GCLC: variants seen among roughly 807,000 people sequenced by gnomAD.
GCLC encodes glutamate-cysteine ligase catalytic subunit.
A neutral mutation model predicts 81.5 loss-of-function variants in GCLC; 30 were observed. The observed-to-expected ratio is 0.37, with a 90% CI of 0.28 to 0.50. GCLC has a LOEUF of 0.50. GCLC is among the 20% of genes least tolerant of loss of function. The probability of loss-of-function intolerance (pLI) is 0.96; values close to 1 mark genes in which losing one functional copy is unlikely to be tolerated. For synonymous variants in GCLC, 262 were observed against 273.3 expected, an observed-to-expected ratio of 0.96 and a Z score of 0.41; for missense variants, 556 against 777.4, an observed-to-expected ratio of 0.72 and a Z score of 3.39.
intron 12 of GCLC, among the ~76,000 whole-genome samples, chr6:53,504,144 C>T (rs1764566943): frequency 6.6e-6 from 1 of 152,128 alleles, no homozygotes; most frequent in Non-Finnish European, 1.5e-5. Flanking sequence ...CGAGACCAGC[C>T]TGAGCAACAT....
At chr6:53,516,982 A>T (rs1250973462) in intron 3 of GCLC, among the ~76,000 whole-genome samples, 1 of 152,240 alleles carries the variant, frequency 6.6e-6, no homozygotes, top group African/African-American at 2.4e-5. Context: ...AGGGAGGACA[A>T]AGACTAAGCG....
chr6:53,520,936 C>T lies in GCLC; in HGVS notation c.288G>A (p.Glu96=). The change falls in exon 3 of 16, where the codon GAG becomes GAA. Residue 96 remains glutamate (E), a synonymous_variant. Coordinates refer to ENST00000650454, the MANE Select transcript of GCLC (RefSeq NM_001498.4). The part of the protein sequence containing the change: ...NPNHPTLWRP[E]YGSYMIEGTP... Reference sequence around the variant, plus strand: ...TCCCTTCAATCATGTAACTCCCATACTCTGGTCTCCAAAGGGTAGGATGGC... The same window carrying T: ...TCCCTTCAATCATGTAACTCCCATATTCTGGTCTCCAAAGGGTAGGATGGC... 6.2e-7 allele frequency: 1 copy of T among 1,613,792 alleles called. No individual in the cohort carries two copies.
Position 53,529,273 on chromosome 6 carries a change from T to C in GCLC, c.151-6746A>G, listed in dbSNP as rs532120101. The stretch of plus-strand genomic sequence containing the variant: ...CCTTGAATGTAGACCTGCTCTTTCA[T>C]GCTCCACGGATGCATGAGACATTTT... On this transcript the variant is annotated intron_variant, in intron 1 of 15. Transcript: ENST00000650454. Among the ~76,000 whole-genome samples, 27 of 152,338 alleles carry C rather than the reference T, an allele frequency of 1.8e-4. No individual in the cohort carries two copies. In the South Asian group the frequency reaches 3.5e-3, roughly 20 times the overall value.
intron 6 of GCLC, among the ~76,000 whole-genome samples, chr6:53,511,201 T>G (rs200399418): frequency 0.019 from 2,069 of 107,692 alleles, no homozygotes; most frequent in Non-Finnish European, 0.033. Context: ...AAAAAAAAAG[T>G]GGGGGGGGGG....
intron 1 of GCLC, among the ~76,000 whole-genome samples, chr6:53,524,914 A>G (rs76723136): frequency 0.023 from 3,432 of 152,332 alleles, 121 homozygotes; most frequent in African/African-American, 0.078. Flanking sequence ...AAGAACAAAA[A>G]GTTAAAGCTC....
chr6:53,533,834 G>A (rs1178602961), intron 1 of GCLC, among the ~76,000 whole-genome samples: 1 of 146,224 alleles, frequency 6.8e-6, no homozygotes, highest in Non-Finnish European at 1.5e-5. Context: ...CACTCTTGTC[G>A]CCCAGGCTGG....
In GCLC at chr6:53,509,206, A is replaced by G. The variant is rs569753611; in HGVS notation, c.798T>C (p.Tyr266=). The change falls in exon 7 of 16, where the codon TAT becomes TAC. Residue 266 remains tyrosine, a synonymous_variant. Transcript: ENST00000650454. ...TTGGACAGATAGTAGCCAACTGATC[A>G]TAAAGGTATCTGGCCTCAGATATAC... The part of the protein sequence containing the change: ...ACSISEARYL[Y]DQLATICPIV... 1 of 1,606,836 alleles carries G rather than the reference A, an allele frequency of 6.2e-7. No individual in the cohort carries two copies. Among genetic ancestry groups the G allele is most frequent in the South Asian group, 1.1e-5 (1 of 90,962 alleles).
rs17883272 is a variant in GCLC, at chr6:53,513,876, C to T, written c.753+328G>A. 8.2e-3 allele frequency: 2,465 copies of T among 302,224 alleles called. 39 individuals carry two copies. The highest frequency in any genetic ancestry group is 0.048 in the African/African-American group (2,208 of 46,066). 18.7% of individuals were successfully genotyped at this position (302,224 alleles called of 1,614,324 possible). On this transcript the variant is annotated intron_variant, in intron 6 of 15. Coordinates refer to ENST00000650454, the MANE Select transcript of GCLC (RefSeq NM_001498.4). Reference sequence around the variant, plus strand: ...TTTAAACCACCTCACTAGCCTGTCACGAGATGGCAGTAAAAACTAGGCATA... The same window carrying T: ...TTTAAACCACCTCACTAGCCTGTCATGAGATGGCAGTAAAAACTAGGCATA...
intron 6 of GCLC, among the ~76,000 whole-genome samples, chr6:53,511,768 A>G (rs1313560760): frequency 6.8e-6 from 1 of 147,790 alleles, no homozygotes; most frequent in African/African-American, 2.5e-5. Flanking sequence ...TGAAGGAGAC[A>G]CACAATGTTG....
Position 53,542,261 on chromosome 6 carries a change from T to G in GCLC, c.150+2235A>C, listed in dbSNP as rs1259821456. Among the ~76,000 whole-genome samples, 4 of 152,174 alleles carry G rather than the reference T, an allele frequency of 2.6e-5. No individual in the cohort carries two copies. The East Asian group carries it at 7.7e-4, about 29-fold the overall frequency. Reference sequence around the variant, plus strand: ...CTGAAATGCTGGGTCCAATTTTCTCTCCTTTATAGATGCATAATACAAGTT... The same window carrying G: ...CTGAAATGCTGGGTCCAATTTTCTCGCCTTTATAGATGCATAATACAAGTT... On this transcript the variant is annotated intron_variant, in intron 1 of 15. Coordinates refer to ENST00000650454, the MANE Select transcript of GCLC (RefSeq NM_001498.4).
Position 53,506,715 on chromosome 6 carries a change from G to A in GCLC, c.1197+198C>T. The A allele has an allele frequency of 1.8e-6, 1 of 566,992 alleles. No individual in the cohort carries two copies. Among genetic ancestry groups the A allele is most frequent in the South Asian group, 2.2e-5 (1 of 46,252 alleles). 35.1% of individuals were successfully genotyped at this position (566,992 alleles called of 1,614,324 possible). ...TAAGAATCGTAAAATAAGAGTACTT[G>A]AAACCGATTTTTTATTTGTCCAAGT... is the stretch of plus-strand genomic sequence containing the variant. On this transcript the variant is annotated intron_variant, in intron 10 of 15. Coordinates refer to ENST00000650454, the MANE Select transcript of GCLC (RefSeq NM_001498.4). This position sits in a 1 kb window ranked among gnomAD's most constrained non-coding sequence, Gnocchi z 4.0.
intron 1 of GCLC, among the ~76,000 whole-genome samples, chr6:53,542,582 G>A (rs1297853063): frequency 2.0e-5 from 3 of 151,998 alleles, no homozygotes; most frequent in African/African-American, 7.3e-5. Flanking sequence ...AGGGGTGGTG[G>A]GGGGTGGGGT....
intron 1 of GCLC, among the ~76,000 whole-genome samples, chr6:53,525,688 A>G (rs188528569): frequency 5.9e-5 from 9 of 152,314 alleles, no homozygotes; most frequent in Non-Finnish European, 8.8e-5. Context: ...TACAACTCCA[A>G]AAGCATACAT....
intron 6 of GCLC, among the ~76,000 whole-genome samples, chr6:53,512,005 G>C (rs988986321): frequency 6.8e-6 from 1 of 146,678 alleles, no homozygotes; most frequent in Admixed American, 6.9e-5. Context: ...CTGGAATGCA[G>C]TGGCACGATC....
intron 1 of GCLC, among the ~76,000 whole-genome samples, chr6:53,542,854 C>T (rs1763383346): frequency 1.3e-5 from 2 of 151,992 alleles, no homozygotes; most frequent in African/African-American, 4.8e-5. Flanking sequence ...ACTAAAAATA[C>T]AAAAATTAGC....
intron 1 of GCLC, among the ~76,000 whole-genome samples, chr6:53,534,877 AT>A (rs1763233808): frequency 6.6e-6 from 1 of 152,192 alleles, no homozygotes; most frequent in Non-Finnish European, 1.5e-5. Flanking sequence ...TGAGATGTTA[AT>A]TTTTCCCAAA....
At chr6:53,505,570 T>C (rs1226482423) in intron 11 of GCLC, 74 bp from the exon 12 acceptor site, 3 of 833,426 alleles carry the variant, frequency 3.6e-6, no homozygotes, top group Non-Finnish European at 6.2e-6. Context: ...AGGCCCTTCC[T>C]CAGATCATGT....
At chr6:53,521,650 T>C (rs1205046746) in intron 2 of GCLC, among the ~76,000 whole-genome samples, 1 of 151,980 alleles carries the variant, frequency 6.6e-6, no homozygotes, top group Non-Finnish European at 1.5e-5. Flanking sequence ...CCCCTCCCCG[T>C]CTCTGTCTAC....
chr6:53,515,900 A>G (rs1251290728), intron 4 of GCLC, among the ~76,000 whole-genome samples: 1 of 152,164 alleles, frequency 6.6e-6, no homozygotes, highest in Non-Finnish European at 1.5e-5. Flanking sequence ...GAATTGACAA[A>G]TCAAGCCTGG....
Sources: allele counts gnomAD v4.1 joint callset (sites outside exome capture counted in the v4.1 genomes callset), GRCh38; gene constraint gnomAD v4.1.1; non-coding constraint Gnocchi (gnomAD v3.1); transcripts MANE v1.5; gene names NCBI Gene and HGNC (gene_info 2026-07-23, HGNC 2026-07-21).